Variants in CCDC170 observed in about 807,000 individuals in gnomAD.
The protein encoded by CCDC170 is coiled-coil domain-containing protein 170.
A neutral mutation model predicts 72.6 loss-of-function variants in CCDC170; 69 were observed. The observed-to-expected ratio is 0.95, with a 90% confidence interval of 0.78 to 1.16. The LOEUF (loss-of-function observed/expected upper bound fraction) is 1.16, where lower values mean the gene tolerates loss of function less well. Among genes scored for constraint, CCDC170 ranks in the 50% most tolerant of loss-of-function variants. The pLI is 0.00. For synonymous variants in CCDC170, 300 were observed against 303.9 expected (o/e 0.99, Z 0.13); for missense variants, 852 against 832.5 (o/e 1.02, Z -0.29).
chr6:151,579,293 TG>T (rs1169297981), intron 6 of CCDC170, among the ~76,000 whole-genome samples: 4 of 152,256 alleles, frequency 2.6e-5, no homozygotes, highest in African/African-American at 9.6e-5. Context: ...ACTCAGGCAC[TG>T]GCATTTGATG....
At chr6:151,612,044 T>A (rs1776881425) in intron 9 of CCDC170, among the ~76,000 whole-genome samples, 1 of 152,180 alleles carries the variant, frequency 6.6e-6, no homozygotes, top group Non-Finnish European at 1.5e-5. Context: ...CAGCAGATAT[T>A]TGACTCTGGA....
At chr6:151,553,079 G>A (rs918588930) in intron 5 of CCDC170, among the ~76,000 whole-genome samples, 1 of 152,086 alleles carries the variant, frequency 6.6e-6, no homozygotes, top group Non-Finnish European at 1.5e-5. Flanking sequence ...GAGCCACTGC[G>A]CCTGGCCTAC....
At chr6:151,585,371 G>C (rs1264069880) in intron 6 of CCDC170, among the ~76,000 whole-genome samples, 1 of 152,084 alleles carries the variant, frequency 6.6e-6, no homozygotes, top group African/African-American at 2.4e-5. Context: ...GGAGTTTAGG[G>C]CATAGGTAAC....
At chr6:151,536,791 A>G (rs917773041) in intron 2 of CCDC170, among the ~76,000 whole-genome samples, 3 of 151,028 alleles carry the variant, frequency 2.0e-5, no homozygotes, top group African/African-American at 7.3e-5. Flanking sequence ...AAAAAAAAAA[A>G]AAAAAAAGAA....
intron 6 of CCDC170, among the ~76,000 whole-genome samples, chr6:151,579,082 T>A (rs1472633965): frequency 1.3e-5 from 2 of 152,150 alleles, no homozygotes; most frequent in Admixed American, 6.5e-5. Context: ...TTTAAAGGTA[T>A]GTATTCTTCA....
intron 9 of CCDC170, among the ~76,000 whole-genome samples, chr6:151,601,944 T>C (rs1268068577): frequency 1.1e-4 from 16 of 152,252 alleles, no homozygotes. Flanking sequence ...GAATATTTCA[T>C]TGTATGGATA....
intron 1 of CCDC170, among the ~76,000 whole-genome samples, chr6:151,499,895 C>T (rs1419655194): frequency 1.3e-5 from 2 of 152,182 alleles, no homozygotes; most frequent in African/African-American, 4.8e-5. Context: ...GTAAATAATG[C>T]TGCTATGAAA....
intron 4 of CCDC170, among the ~76,000 whole-genome samples, chr6:151,545,555 T>C (rs1215631050): frequency 1.3e-5 from 2 of 152,218 alleles, no homozygotes; most frequent in Non-Finnish European, 2.9e-5. Flanking sequence ...TTGGTTCTCT[T>C]TGGCTATTTA....
intron 4 of CCDC170, among the ~76,000 whole-genome samples, chr6:151,547,235 C>G (rs1457408045): frequency 6.6e-6 from 1 of 152,224 alleles, no homozygotes; most frequent in Non-Finnish European, 1.5e-5. Context: ...ATGCTAGACA[C>G]TGTTCTGAGT....
chr6:151,608,282 A>G (rs1776816190), intron 9 of CCDC170, among the ~76,000 whole-genome samples: 1 of 152,040 alleles, frequency 6.6e-6, no homozygotes, highest in Non-Finnish European at 1.5e-5. Flanking sequence ...TAAGATCATG[A>G]TTTGAATTCT....
chr6:151,548,404 A>G lies in CCDC170; in HGVS notation c.689A>G (p.Glu230Gly). 6.2e-7 allele frequency: 1 copy of G among 1,613,202 alleles called. No individual in the cohort carries two copies. Among genetic ancestry groups the G allele is most frequent in the Non-Finnish European group, 8.5e-7 (1 of 1,179,386 alleles). ...VHEMEAKASRETIMRLASEVN... is the reference protein window; with the variant it reads ...VHEMEAKASRGTIMRLASEVN... ...GAGATGGAAGCAAAAGCTAGCAGAG[A>G]AACGATCATGAGGCTGGCTTCAGAA... Residue 230 changes from glutamate (E) to glycine (G), a missense_variant, in exon 5 of 11, where the codon GAA becomes GGA. Glu to Gly is a moderately conservative substitution (Grantham distance 98, BLOSUM62 -2). Coordinates refer to ENST00000239374, the MANE Select transcript of CCDC170 (RefSeq NM_025059.4).
intron 1 of CCDC170, among the ~76,000 whole-genome samples, chr6:151,508,546 C>A (rs568815888): frequency 1.7e-4 from 26 of 149,868 alleles, no homozygotes; most frequent in Admixed American, 4.0e-4. Flanking sequence ...CTGAAAAAAA[C>A]CAAAAAAACC....
Position 151,494,109 on chromosome 6 carries a change from G to T in CCDC170, c.-20G>T. ...CAGGGCCGGTTCCGGGTCCGAGCGC[G>T]CCCCCGGGCTCGGGTCGTCATGAGC... is the stretch of plus-strand genomic sequence containing the variant. On this transcript the variant is annotated 5_prime_UTR_variant, in exon 1 of 11. Transcript: ENST00000239374. The T allele has an allele frequency of 6.7e-7, 1 of 1,492,280 alleles. No homozygotes were observed. The highest frequency in any genetic ancestry group is 1.3e-5 in the South Asian group (1 of 78,868). 92.4% of individuals were successfully genotyped at this position (1,492,280 alleles called of 1,614,324 possible). A position where few individuals can be genotyped will look rare whatever the true frequency, so the allele number is the denominator to read the frequency against.
chr6:151,603,855 C>T (rs1231909329), intron 9 of CCDC170, among the ~76,000 whole-genome samples: 1 of 152,202 alleles, frequency 6.6e-6, no homozygotes. Context: ...AATGATACAA[C>T]ACTTCTTATG....
At chr6:151,571,566 A>T (rs1386389606) in intron 5 of CCDC170, among the ~76,000 whole-genome samples, 1 of 152,188 alleles carries the variant, frequency 6.6e-6, no homozygotes, top group Non-Finnish European at 1.5e-5. Flanking sequence ...TGTCTCTACT[A>T]AAAATACAAA....
intron 5 of CCDC170, among the ~76,000 whole-genome samples, chr6:151,559,744 G>A (rs919044063): frequency 3.9e-5 from 6 of 152,138 alleles, no homozygotes; most frequent in African/African-American, 1.4e-4. Flanking sequence ...ACATAGAAAT[G>A]TTCATAGTCA....
chr6:151,516,435 A>G (rs17081341), intron 1 of CCDC170, among the ~76,000 whole-genome samples: 8,978 of 152,210 alleles, frequency 0.059, 427 homozygotes, highest in East Asian at 0.21. Flanking sequence ...GAAATTTGTC[A>G]TGATTTCTTG....
chr6:151,615,623 A>G lies in CCDC170; in HGVS notation c.1891A>G (p.Ser631Gly). Residue 631 changes from serine to glycine, a missense_variant, in exon 10 of 11, where the codon AGT becomes GGT. Physicochemically the swap from Ser to Gly is moderately conservative, Grantham distance 56. Coordinates refer to ENST00000239374, the MANE Select transcript of CCDC170 (RefSeq NM_025059.4). ...RARNMIEVVT[S>G]EMKTLKKSLE... ...CAGAAACATGATAGAAGTGGTAACC[A>G]GTGAAATGAAGACACTAAAAAAATC... 6.2e-7 allele frequency: 1 copy of G among 1,614,170 alleles called. No individual in the cohort carries two copies. The highest frequency in any genetic ancestry group is 1.1e-5 in the South Asian group (1 of 91,084).
chr6:151,494,114 C>T lies in CCDC170; in HGVS notation c.-15C>T. 6.7e-7 allele frequency: 1 copy of T among 1,494,706 alleles called. No individual in the cohort carries two copies. Among genetic ancestry groups the T allele is most frequent in the Admixed American group, 2.3e-5 (1 of 43,392 alleles). 92.6% of individuals were successfully genotyped at this position (1,494,706 alleles called of 1,614,324 possible). On this transcript the variant is annotated 5_prime_UTR_variant, in exon 1 of 11. Coordinates refer to ENST00000239374, the MANE Select transcript of CCDC170 (RefSeq NM_025059.4). The stretch of plus-strand genomic sequence containing the variant: ...CCGGTTCCGGGTCCGAGCGCGCCCC[C>T]GGGCTCGGGTCGTCATGAGCCTGGA...
Sources: gnomAD v4.1 joint callset for allele counts (sites outside exome capture counted in the v4.1 genomes callset) on GRCh38, gnomAD v4.1.1 for gene constraint, MANE v1.5 for transcripts, NCBI Gene and HGNC (gene_info 2026-07-23, HGNC 2026-07-21) for gene names.